C11orf54: variants seen among roughly 807,000 people sequenced by gnomAD.
C11orf54 encodes the protein beta-keto-L-gulonate decarboxylase, also known as beta-keto L-gulonate decarboxylase.
A neutral mutation model predicts 35.5 loss-of-function variants in C11orf54; 29 were observed. The observed-to-expected ratio is 0.82, with a 90% CI of 0.61 to 1.11. The LOEUF (loss-of-function observed/expected upper bound fraction) is 1.11. Among genes scored for constraint, C11orf54 ranks in the 50% most tolerant of loss-of-function variants. C11orf54 has a pLI of 0.00. For synonymous variants in C11orf54, 108 were observed against 121.1 expected (o/e 0.89, Z 0.71); for missense variants, 373 against 369.2 (o/e 1.01, Z -0.08).
rs766562128 is a variant in C11orf54, at chr11:93,755,202, C to G, written c.331-8C>G. 6.2e-7 allele frequency: 1 copy of G among 1,612,716 alleles called. No homozygotes were observed. ...AAAGATTGACTAATTGCCTCACTTT[C>G]TTTTCAGTTTATGCCAGTTATTCAG... On this transcript the variant is annotated splice_region_variant and splice_polypyrimidine_tract_variant and intron_variant, in intron 5 of 8. Coordinates refer to ENST00000354421, the MANE Select transcript of C11orf54 (RefSeq NM_001286069.2).
rs1456090721 is a variant in C11orf54, at chr11:93,750,349, T to C, written c.59T>C (p.Met20Thr). 11 of 1,612,768 alleles carry C rather than the reference T, an allele frequency of 6.8e-6. No homozygotes were observed. The highest frequency in any genetic ancestry group is 5.9e-6 in the Non-Finnish European group (7 of 1,179,108). Reference protein sequence around the residue: ...VPSLEELAGVMQKGLKDNFAD... With the variant: ...VPSLEELAGVTQKGLKDNFAD... ...TCTTATTCCTTGTCTTTATTAGTTATGCAGAAGGGGTTAAAAGATAACTTT... is the reference window on the plus strand; with the variant it reads ...TCTTATTCCTTGTCTTTATTAGTTACGCAGAAGGGGTTAAAAGATAACTTT... The change falls in exon 3 of 9, where the codon ATG (methionine) becomes ACG (threonine). Residue 20 changes from methionine to threonine, a missense_variant. Physicochemically the swap from Met to Thr is moderately conservative, Grantham distance 81. Coordinates refer to ENST00000354421, the MANE Select transcript of C11orf54 (RefSeq NM_001286069.2).
At chr11:93,760,540 C>T (rs1172365714) in intron 8 of C11orf54, among the ~76,000 whole-genome samples, 1 of 151,994 alleles carries the variant, frequency 6.6e-6, no homozygotes, top group East Asian at 1.9e-4. Context: ...AGAGTCACAA[C>T]TAGGATTCAG....
At chr11:93,759,260 A>C (rs568687939) in intron 7 of C11orf54, among the ~76,000 whole-genome samples, 2 of 152,226 alleles carry the variant, frequency 1.3e-5, no homozygotes, top group South Asian at 4.1e-4. Context: ...GAACCAACTC[A>C]AATGACTGGA....
intron 1 of C11orf54, chr11:93,746,129 A>T (rs1399280690): frequency 1.3e-5 from 2 of 152,256 alleles, no homozygotes; most frequent in Non-Finnish European, 2.9e-5. Context: ...ATTATAGAGG[A>T]TATGTTGTTG....
chr11:93,759,817 G>C lies in C11orf54; in HGVS notation c.733G>C (p.Ala245Pro). ...ATGGTTGCATTTTTATGAAATGAAA[G>C]CTCCTTTGGTTTGTCTACCAGTTTT... ...NKWLHFYEMK[A>P]PLVCLPVFVS... Residue 245 changes from alanine (A) to proline (P), a missense_variant, in exon 8 of 9, where the codon GCT (alanine) becomes CCT (proline). Physicochemically the swap from Ala to Pro is conservative, Grantham distance 27. Coordinates refer to ENST00000354421, the MANE Select transcript of C11orf54 (RefSeq NM_001286069.2). 1 of 1,610,498 alleles carries C rather than the reference G, an allele frequency of 6.2e-7. No homozygotes were observed. Among genetic ancestry groups the C allele is most frequent in the Non-Finnish European group, 8.5e-7 (1 of 1,177,628 alleles).
chr11:93,755,529 C>A (rs1943087396), intron 6 of C11orf54, 143 bp downstream of exon 6: 2 of 818,430 alleles, frequency 2.4e-6, no homozygotes, highest in Non-Finnish European at 3.7e-6. Flanking sequence ...AACTTGAGGT[C>A]AACTTGAGGT....
intron 6 of C11orf54, 34 bp from the exon 7 acceptor site, chr11:93,757,282 T>C (rs748600022): frequency 3.8e-6 from 6 of 1,571,752 alleles, no homozygotes; most frequent in Non-Finnish European, 5.1e-6. Flanking sequence ...TTTTGCAGCA[T>C]AGTCAATGGT....
intron 3 of C11orf54, 136 bp downstream of exon 3, chr11:93,750,580 T>A: frequency 1.5e-6 from 1 of 661,512 alleles, no homozygotes; most frequent in Non-Finnish European, 2.6e-6. Context: ...TGTGCCAAAT[T>A]TCTGTGCTCA....
At position 93,747,362 on chromosome 11, in the gene C11orf54, T is replaced by C. The variant is rs200107364; in HGVS notation, c.-32T>C. On this transcript the variant is annotated 5_prime_UTR_variant, in exon 2 of 9. Transcript: ENST00000354421. The stretch of plus-strand genomic sequence containing the variant: ...GATAATTAACCAAGAGTAGCTCTAT[T>C]TGTCCAACCTCACACCTAAAGAAGA... 7.8e-4 allele frequency: 1,207 copies of C among 1,554,020 alleles called. 11 individuals carry two copies. Among genetic ancestry groups the C allele is most frequent in the Middle Eastern group, 7.2e-3 (42 of 5,838 alleles).
At chr11:93,751,791 A>T (rs1942845769) in intron 3 of C11orf54, among the ~76,000 whole-genome samples, 1 of 150,542 alleles carries the variant, frequency 6.6e-6, no homozygotes, top group African/African-American at 2.4e-5. Context: ...GAGACAGAAG[A>T]GTACAAGAAA....
rs1411380123 is a variant in C11orf54 at position 93,762,542 on chromosome 11, T to C, written c.*854T>C. 6.6e-6 allele frequency: 1 copy of C among 152,132 alleles called. No individual in the cohort carries two copies. The highest frequency in any genetic ancestry group is 2.4e-5 in the African/African-American group (1 of 41,424). The allele number at this position is 152,132 out of a possible 1,614,324, so 9.4% of individuals were successfully genotyped here. A position where few individuals can be genotyped will look rare whatever the true frequency, so the allele number is the denominator to read the frequency against. ...GATCCCAGCATGTTGGGAGGCCGAG[T>C]GGGAGGATTGCCTGAGCCTAGGAGT... On this transcript the variant is annotated 3_prime_UTR_variant, in exon 9 of 9. Transcript: ENST00000354421.
At chr11:93,755,751 T>C (rs1408071535) in intron 6 of C11orf54, among the ~76,000 whole-genome samples, 1 of 59,184 alleles carries the variant, frequency 1.7e-5, no homozygotes, top group Non-Finnish European at 3.8e-5. Flanking sequence ...AGACTCTGTC[T>C]CAAAAAAAAA....
chr11:93,754,181 T>A, intron 5 of C11orf54, 144 bp downstream of exon 5: 1 of 684,772 alleles, frequency 1.5e-6, no homozygotes. Flanking sequence ...ATTTCTGCTA[T>A]AGCACACACT....
intron 2 of C11orf54, 58 bp downstream of exon 2, chr11:93,747,506 A>G (rs1942539573): frequency 1.5e-6 from 2 of 1,357,734 alleles, no homozygotes; most frequent in South Asian, 2.6e-5. Flanking sequence ...AATTCTTTTA[A>G]AAAGATTCTA....
chr11:93,747,540 T>TA (rs1942543174), intron 2 of C11orf54, 92 bp downstream of exon 2: 2 of 520,772 alleles, frequency 3.8e-6, no homozygotes, highest in South Asian at 2.6e-5. Context: ...TCTTACTACT[T>TA]ATGTATATCT....
chr11:93,743,280 C>T lies in C11orf54; in HGVS notation c.-98+1552C>T, dbSNP rs1440221906. 2.6e-5 allele frequency among the ~76,000 whole-genome samples: 4 copies of T among 151,772 alleles called. No homozygotes were observed. The East Asian group carries it at 7.8e-4, about 30-fold the overall frequency. On this transcript the variant is annotated intron_variant, in intron 1 of 8. Transcript: ENST00000354421. The stretch of plus-strand genomic sequence containing the variant: ...CCTCCCAAAGTGCTGGGAGTACAGG[C>T]GTGAATCACCGCGCCCGGCCACATT...
At chr11:93,742,546 A>G (rs1455441120) in intron 1 of C11orf54, among the ~76,000 whole-genome samples, 2 of 152,168 alleles carry the variant, frequency 1.3e-5, no homozygotes, top group Non-Finnish European at 2.9e-5. Flanking sequence ...CGGCCTCCCA[A>G]AGTAATTTTA....
At chr11:93,747,530 T>A in intron 2 of C11orf54, 82 bp downstream of exon 2, 1 of 1,012,232 alleles carries the variant, frequency 9.9e-7, no homozygotes. Context: ...TCTATCTATA[T>A]CTTACTACTT....
chr11:93,762,815 A>G lies in C11orf54; in HGVS notation c.*1127A>G, dbSNP rs1018446487. 4.6e-5 allele frequency: 7 copies of G among 152,224 alleles called. No individual in the cohort carries two copies. Among genetic ancestry groups the G allele is most frequent in the African/African-American group, 1.7e-4 (7 of 41,462 alleles). 9.4% of individuals were successfully genotyped at this position (152,224 alleles called of 1,614,324 possible). A position where few individuals can be genotyped will look rare whatever the true frequency, so the allele number is the denominator to read the frequency against. On this transcript the variant is annotated 3_prime_UTR_variant, in exon 9 of 9. Coordinates refer to ENST00000354421, the MANE Select transcript of C11orf54 (RefSeq NM_001286069.2). ...AGTGAAGCTGTTGCTGAACATGACC[A>G]CTATCGTTGCTGAAATATAAAATTA...
Sources: gnomAD v4.1 joint callset for allele counts (sites outside exome capture counted in the v4.1 genomes callset) on GRCh38, gnomAD v4.1.1 for gene constraint, MANE v1.5 for transcripts, NCBI Gene and HGNC (gene_info 2026-07-23, HGNC 2026-07-21) for gene names.